EML1: variants seen among roughly 807,000 people sequenced by gnomAD.
EML1 encodes echinoderm microtubule-associated protein-like 1.
In EML1, 27 loss-of-function variants were observed where a neutral mutation model predicts 110.4. The observed-to-expected ratio is 0.24, with a 90% confidence interval of 0.18 to 0.34. EML1 has a LOEUF of 0.34. EML1 is among the 10% of genes least tolerant of loss of function. EML1 has a pLI of 1.00. For missense variants in EML1, 741 were observed against 1,030.9 expected (o/e 0.72, Z 3.85); for synonymous variants, 344 against 385.8 (o/e 0.89, Z 1.27).
At chr14:99,897,075 C>G (rs2059682943) in intron 6 of EML1, 70 bp from the exon 7 acceptor site, 1 of 1,360,762 alleles carries the variant, frequency 7.3e-7, no homozygotes, top group African/African-American at 1.5e-5. Context: ...ATTGCCTGTG[C>G]CTGTTGAATA....
intron 1 of EML1, among the ~76,000 whole-genome samples, chr14:99,832,877 T>C (rs1252739298): frequency 6.6e-6 from 1 of 152,194 alleles, no homozygotes; most frequent in African/African-American, 2.4e-5. Flanking sequence ...AATTTACCAT[T>C]TTTTTCTTTT....
At chr14:99,937,745 G>A in intron 19 of EML1, 72 bp from the exon 20 acceptor site, 1 of 1,410,642 alleles carries the variant, frequency 7.1e-7, no homozygotes. Flanking sequence ...GCACAGCTCT[G>A]GGGGCTCAGC....
intron 1 of EML1, among the ~76,000 whole-genome samples, chr14:99,775,817 A>ATGGCAG (rs2057475926): frequency 6.6e-6 from 1 of 152,210 alleles, no homozygotes; most frequent in Non-Finnish European, 1.5e-5. Context: ...CCTTTGTGTA[A>ATGGCAG]TGGCAGTATT....
Position 99,940,101 on chromosome 14 carries a change from C to T in EML1, c.2437C>T (p.Arg813Cys), listed in dbSNP as rs772174519. ...GAAAGACACAAGCATCATGCAGTGG[C>T]GCGTCATTTAGTACCCACCGAGAGC... The part of the protein sequence containing the change: ...GGKDTSIMQW[R>C]VI Residue 813 changes from arginine to cysteine, a missense_variant, in exon 22 of 22, where the codon CGC becomes TGC. Arg to Cys is a radical substitution (Grantham distance 180). Around this residue, in one of 4 missense-constraint regions of EML1, gnomAD observed 114 missense variants for 122.5 expected, o/e 0.93. Transcript: ENST00000262233. The T allele has an allele frequency of 1.3e-6, 2 of 1,570,822 alleles. No individual in the cohort carries two copies. The highest frequency in any genetic ancestry group is 1.7e-6 in the Non-Finnish European group (2 of 1,158,764).
rs970000360 is a variant in EML1, at chr14:99,905,438, T to A, written c.1009-2200T>A. 6.6e-6 allele frequency among the ~76,000 whole-genome samples: 1 copy of A among 152,098 alleles called. No homozygotes were observed. Among genetic ancestry groups the A allele is most frequent in the African/African-American group, 2.4e-5 (1 of 41,410 alleles). On this transcript the variant is annotated intron_variant, in intron 9 of 21. Transcript: ENST00000262233. This position sits in a 1 kb window ranked among gnomAD's most constrained non-coding sequence, Gnocchi z 4.1. ...GGAAAAAGGAGAGAGAGAAAAGCAT[T>A]CCCTGTGGCAGGGCGGGGAAGGTGA...
chr14:99,921,667 G>T lies in EML1; in HGVS notation c.1909+790G>T, dbSNP rs146948174. 3.9e-3 allele frequency among the ~76,000 whole-genome samples: 588 copies of T among 152,230 alleles called. 5 individuals carry two copies. Among genetic ancestry groups the T allele is most frequent in the African/African-American group, 0.014 (570 of 41,526 alleles). On this transcript the variant is annotated intron_variant, in intron 17 of 21. Coordinates refer to ENST00000262233, the MANE Select transcript of EML1 (RefSeq NM_004434.3). ...CACCCGCCTCCCATATTCTGAAGCA[G>T]TTCCCAGACATCTCATCATTTCATC... is the stretch of plus-strand genomic sequence containing the variant.
At chr14:99,813,638 A>T (rs899317489) in intron 1 of EML1, among the ~76,000 whole-genome samples, 1 of 152,102 alleles carries the variant, frequency 6.6e-6, no homozygotes, top group Non-Finnish European at 1.5e-5. Context: ...GCCTGGGAAG[A>T]TAGTTGCTGC....
intron 16 of EML1, among the ~76,000 whole-genome samples, chr14:99,918,466 G>A (rs540573817): frequency 6.6e-6 from 1 of 152,354 alleles, no homozygotes; most frequent in Non-Finnish European, 1.5e-5. Flanking sequence ...GGCTGTGGGA[G>A]AAGCCTTGAT....
rs1357083535 is a variant in EML1, at chr14:99,760,243, C to T, written c.28+22383C>T. On this transcript the variant is annotated intron_variant, in intron 1 of 10. Transcript: ENST00000554479. The stretch of plus-strand genomic sequence containing the variant: ...AAAGAAAATGAAATCAGCTGTCGTC[C>T]CTTCTCCCGGAAACTCAGCCCTGTC... 5.3e-5 allele frequency among the ~76,000 whole-genome samples: 8 copies of T among 152,152 alleles called. No individual in the cohort carries two copies. The South Asian group carries it at 1.0e-3, about 20-fold the overall frequency.
intron 1 of EML1, among the ~76,000 whole-genome samples, chr14:99,795,845 A>G (rs922485813): frequency 1.3e-5 from 2 of 152,208 alleles, no homozygotes; most frequent in African/African-American, 2.4e-5. Context: ...AAACTAAAAA[A>G]TCATGGTTAC....
intron 4 of EML1, among the ~76,000 whole-genome samples, chr14:99,881,086 A>C (rs1184261501): frequency 1.3e-5 from 2 of 152,208 alleles, no homozygotes; most frequent in African/African-American, 4.8e-5. Flanking sequence ...ACAGTTCTTA[A>C]ATAAGGCATC....
At chr14:99,746,096 C>T (rs78014881) in intron 1 of EML1, among the ~76,000 whole-genome samples, 4,239 of 152,314 alleles carry the variant, frequency 0.028, 76 homozygotes, top group Non-Finnish European at 0.044. Flanking sequence ...TTCCACATGA[C>T]GCCCCCTTTA....
At chr14:99,742,903 C>T (rs2057059658) in intron 1 of EML1, among the ~76,000 whole-genome samples, 1 of 152,160 alleles carries the variant, frequency 6.6e-6, no homozygotes, top group African/African-American at 2.4e-5. Context: ...TGGGTGATCT[C>T]CAGGCATGAA....
intron 1 of EML1, among the ~76,000 whole-genome samples, chr14:99,785,041 CT>C (rs1257665780): frequency 4.0e-5 from 6 of 149,672 alleles, no homozygotes; most frequent in African/African-American, 7.4e-5. Context: ...ATGTAGGCTT[CT>C]TTTTTTTTTC....
Position 99,793,828 on chromosome 14 carries a change from G to A in EML1, c.67+285G>A, listed in dbSNP as rs558099114. On this transcript the variant is annotated intron_variant, in intron 1 of 21. Coordinates refer to ENST00000262233, the MANE Select transcript of EML1 (RefSeq NM_004434.3). ...GCTCCAGCACCCGCGGAGCGCGCCC[G>A]GGCGGAGGCGCGTGGGGCACAGGGC... 2.1e-3 allele frequency among the ~76,000 whole-genome samples: 307 copies of A among 148,968 alleles called. 2 individuals are homozygous for A. The highest frequency in any genetic ancestry group is 7.3e-3 in the African/African-American group (299 of 41,016).
intron 4 of EML1, among the ~76,000 whole-genome samples, chr14:99,887,625 A>G (rs952268692): frequency 6.6e-5 from 10 of 152,180 alleles, no homozygotes; most frequent in Admixed American, 5.9e-4. Flanking sequence ...AGCTCACATC[A>G]AGAAATGGGG....
chr14:99,916,778 G>A (rs751900609), intron 15 of EML1, among the ~76,000 whole-genome samples: 1 of 152,090 alleles, frequency 6.6e-6, no homozygotes, highest in Non-Finnish European at 1.5e-5. Flanking sequence ...TCCAAAAAAC[G>A]ACTGGAGTGG....
At position 99,781,087 on chromosome 14, in the gene EML1, C is replaced by T. The variant is rs905844884; in HGVS notation, c.-27+7074C>T. On this transcript the variant is annotated intron_variant, in intron 1 of 22. Transcript: ENST00000327921. The surrounding 1 kb of genome is among the most constrained non-coding windows in gnomAD (Gnocchi z 4.2). Reference sequence around the variant, plus strand: ...TTCTTTCCAAGGACACGCGCCCCTGCCCCCAGAATACTGGTTGGGTCCAGC... The same window carrying T: ...TTCTTTCCAAGGACACGCGCCCCTGTCCCCAGAATACTGGTTGGGTCCAGC... Among the ~76,000 whole-genome samples the T allele has an allele frequency of 6.6e-6, 1 of 152,124 alleles. No homozygotes were observed. Among genetic ancestry groups the T allele is most frequent in the East Asian group, 1.9e-4 (1 of 5,194 alleles).
intron 1 of EML1, among the ~76,000 whole-genome samples, chr14:99,753,197 C>CA (rs1555386483): frequency 4.2e-5 from 1 of 23,884 alleles, no homozygotes; most frequent in African/African-American, 9.0e-5. Context: ...GCACCCCCCG[C>CA]CCCCCCGCCG....
Sources: gnomAD v4.1 joint callset for allele counts (sites outside exome capture counted in the v4.1 genomes callset) on GRCh38, gnomAD v4.1.1 for gene constraint, gnomAD v4.1.1 regional missense constraint, Gnocchi (gnomAD v3.1) non-coding constraint, MANE v1.5 for transcripts, NCBI Gene and HGNC (gene_info 2026-07-23, HGNC 2026-07-21) for gene names.